EMCN: variants seen among roughly 807,000 people sequenced by gnomAD.
The protein encoded by EMCN is endomucin.
Under a neutral mutation model 38.4 loss-of-function variants are expected in EMCN, and 37 were observed. The ratio of observed to expected loss-of-function variants is 0.96; its 90% CI spans 0.74 to 1.27. EMCN has a LOEUF of 1.27. EMCN is among the 50% of genes most tolerant of loss of function. The pLI, the probability that EMCN is intolerant of heterozygous loss-of-function variation, is 0.00. For missense variants in EMCN, 318 were observed against 302.8 expected, an observed-to-expected ratio of 1.05 and a Z score of -0.37; for synonymous variants, 95 against 100.8, an observed-to-expected ratio of 0.94 and a Z score of 0.35.
chr4:100,415,608 CA>C (rs953527849), intron 10 of EMCN, among the ~76,000 whole-genome samples: 3 of 152,102 alleles, frequency 2.0e-5, no homozygotes, highest in African/African-American at 7.2e-5. Context: ...AACTTGTTAA[CA>C]AATTTTGGTA....
At chr4:100,477,753 A>G (rs745805289) in intron 2 of EMCN, among the ~76,000 whole-genome samples, 5 of 152,180 alleles carry the variant, frequency 3.3e-5, no homozygotes, top group Non-Finnish European at 7.3e-5. Context: ...CATACTGGAC[A>G]TGAGAAAGAG....
chr4:100,404,775 T>C (rs1726348423), intron 11 of EMCN, among the ~76,000 whole-genome samples: 1 of 152,146 alleles, frequency 6.6e-6, no homozygotes, highest in Non-Finnish European at 1.5e-5. Flanking sequence ...TGATAGAGAA[T>C]AACATTGATT....
At chr4:100,422,774 A>G (rs1197047979) in intron 7 of EMCN, among the ~76,000 whole-genome samples, 1 of 147,570 alleles carries the variant, frequency 6.8e-6, no homozygotes, top group Non-Finnish European at 1.5e-5. Context: ...AAATTGCCAA[A>G]CTGTGCTTTT....
At chr4:100,464,909 C>G (rs1728273793) in intron 4 of EMCN, among the ~76,000 whole-genome samples, 2 of 151,812 alleles carry the variant, frequency 1.3e-5, no homozygotes, top group Admixed American at 1.3e-4. Context: ...CAGTGTTTTC[C>G]CCTCCTTTAC....
intron 1 of EMCN, among the ~76,000 whole-genome samples, chr4:100,489,664 A>T (rs1378158938): frequency 1.3e-5 from 2 of 152,218 alleles, no homozygotes; most frequent in East Asian, 3.8e-4. Context: ...ATATCTGATA[A>T]TGATAATAAA....
intron 4 of EMCN, among the ~76,000 whole-genome samples, chr4:100,451,352 G>T (rs186948907): frequency 6.6e-6 from 1 of 151,926 alleles, no homozygotes; most frequent in African/African-American, 2.4e-5. Flanking sequence ...TGATGAATAT[G>T]AATGTGTAGA....
chr4:100,405,824 A>G (rs1411458308), intron 11 of EMCN, among the ~76,000 whole-genome samples: 3 of 152,082 alleles, frequency 2.0e-5, no homozygotes, highest in Non-Finnish European at 4.4e-5. Context: ...TACACCTGGT[A>G]GAATTCAGCT....
At chr4:100,513,930 G>A (rs1381041983) in intron 1 of EMCN, among the ~76,000 whole-genome samples, 1 of 152,034 alleles carries the variant, frequency 6.6e-6, no homozygotes, top group Non-Finnish European at 1.5e-5. Flanking sequence ...TTATAATCTT[G>A]TAGAGAAATA....
At chr4:100,443,299 A>T (rs1213093404) in intron 5 of EMCN, among the ~76,000 whole-genome samples, 1 of 152,114 alleles carries the variant, frequency 6.6e-6, no homozygotes, top group Non-Finnish European at 1.5e-5. Flanking sequence ...ACATTTAGTG[A>T]TGTAGTTTCC....
intron 11 of EMCN, among the ~76,000 whole-genome samples, chr4:100,403,556 A>G (rs901931453): frequency 1.3e-5 from 2 of 151,890 alleles, no homozygotes; most frequent in Admixed American, 6.6e-5. Context: ...GTGATTTGGT[A>G]GTAAAACAAT....
At chr4:100,444,648 G>A (rs1216670621) in intron 5 of EMCN, among the ~76,000 whole-genome samples, 2 of 152,152 alleles carry the variant, frequency 1.3e-5, no homozygotes, top group Non-Finnish European at 2.9e-5. Flanking sequence ...AGTAGTAGCA[G>A]CTTGGCTGGT....
chr4:100,431,137 G>T (rs1253899349), intron 5 of EMCN, among the ~76,000 whole-genome samples: 6 of 152,046 alleles, frequency 3.9e-5, no homozygotes, highest in African/African-American at 1.4e-4. Context: ...GGTCAGATTT[G>T]GTGGGACTTC....
At chr4:100,449,587 G>C (rs1434278361) in intron 4 of EMCN, among the ~76,000 whole-genome samples, 1 of 152,140 alleles carries the variant, frequency 6.6e-6, no homozygotes, top group East Asian at 1.9e-4. Flanking sequence ...TAGAATACAA[G>C]GAAATCAAAA....
intron 8 of EMCN, among the ~76,000 whole-genome samples, chr4:100,419,551 C>T (rs1726830381): frequency 6.6e-6 from 1 of 152,094 alleles, no homozygotes; most frequent in Non-Finnish European, 1.5e-5. Flanking sequence ...ATTCTTAAAT[C>T]TTCCTATGTA....
intron 1 of EMCN, among the ~76,000 whole-genome samples, chr4:100,483,146 A>G (rs533075560): frequency 6.6e-6 from 1 of 152,244 alleles, no homozygotes; most frequent in African/African-American, 2.4e-5. Flanking sequence ...TCCAGGCTCA[A>G]TGTAAATACT....
At chr4:100,433,578 C>T (rs1727263699) in intron 5 of EMCN, among the ~76,000 whole-genome samples, 1 of 151,748 alleles carries the variant, frequency 6.6e-6, no homozygotes, top group Non-Finnish European at 1.5e-5. Context: ...CTCTGTCATC[C>T]AGGCTGGAGT....
chr4:100,454,022 G>C (rs1177598484), intron 4 of EMCN, among the ~76,000 whole-genome samples: 1 of 138,206 alleles, frequency 7.2e-6, no homozygotes, highest in Non-Finnish European at 1.6e-5. Context: ...AGGGACTGTT[G>C]TGGGGTGGGG....
chr4:100,490,252 C>T (rs1729044137), intron 1 of EMCN, among the ~76,000 whole-genome samples: 2 of 151,028 alleles, frequency 1.3e-5, no homozygotes, highest in Non-Finnish European at 2.9e-5. Context: ...TTTTGTACAG[C>T]TGTGCAATGT....
At chr4:100,473,431 T>C (rs968319906) in intron 3 of EMCN, among the ~76,000 whole-genome samples, 4 of 150,328 alleles carry the variant, frequency 2.7e-5, no homozygotes, top group Non-Finnish European at 5.9e-5. Flanking sequence ...ATGTTTATTT[T>C]AGACTATGGA....
Sources: allele counts gnomAD v4.1 joint callset (sites outside exome capture counted in the v4.1 genomes callset), GRCh38; gene constraint gnomAD v4.1.1; transcripts MANE v1.5; gene names NCBI Gene and HGNC (gene_info 2026-07-23, HGNC 2026-07-21).